The following ZNF536 variants were observed in gnomAD, a reference collection of about 807,000 sequenced individuals.
ZNF536 encodes the protein zinc finger protein 536.
A neutral mutation model predicts 84.5 loss-of-function variants in ZNF536; 13 were observed. That is an observed-to-expected ratio of 0.15 (90% CI 0.10 to 0.24). The LOEUF (loss-of-function observed/expected upper bound fraction) is 0.24, where lower values mean the gene tolerates loss of function less well. ZNF536 is among the 10% of genes least tolerant of loss of function. ZNF536 has a pLI of 1.00. For missense variants in ZNF536, 1,536 were observed against 1,747.5 expected (o/e 0.88, Z 2.16); for synonymous variants, 811 against 742.5 (o/e 1.09, Z -1.50).
chr19:30,301,100 G>C (rs541577384), intron 2 of ZNF536, among the ~76,000 whole-genome samples: 2 of 152,176 alleles, frequency 1.3e-5, no homozygotes, highest in Non-Finnish European at 2.9e-5. Flanking sequence ...CATCACAACG[G>C]AAAGTCAGCT....
intron 1 of ZNF536, among the ~76,000 whole-genome samples, chr19:30,565,136 C>T (rs971717644): frequency 2.8e-4 from 42 of 151,616 alleles, no homozygotes; most frequent in African/African-American, 9.7e-4. Context: ...AGCTCAACCC[C>T]TCTGGGGTGG....
At chr19:30,464,380 G>T (rs574931210) in intron 2 of ZNF536, among the ~76,000 whole-genome samples, 3 of 152,142 alleles carry the variant, frequency 2.0e-5, no homozygotes, top group African/African-American at 7.2e-5. Context: ...GAGGGGTAAA[G>T]GTCAATCAGC....
chr19:30,597,509 C>A (rs1387053269), intron 1 of ZNF536, among the ~76,000 whole-genome samples: 1 of 152,184 alleles, frequency 6.6e-6, no homozygotes, highest in Non-Finnish European at 1.5e-5. Flanking sequence ...AAATCTCAGT[C>A]TACTGTGCCT....
At position 30,250,849 on chromosome 19, in the gene ZNF536, T is replaced by C. The variant is rs541619294; in HGVS notation, c.-190+22176T>C. On this transcript the variant is annotated intron_variant, in intron 1 of 5. Transcript: ENST00000585628. Reference sequence around the variant, plus strand: ...ATGACTGTTTTGATGCCTGTTGGGTTTTTTTTTTTTTTGAGGGGGACAGAT... The same window carrying C: ...ATGACTGTTTTGATGCCTGTTGGGTCTTTTTTTTTTTTGAGGGGGACAGAT... Among the ~76,000 whole-genome samples, 14 of 88,438 alleles carry C rather than the reference T, an allele frequency of 1.6e-4. No homozygotes were observed. In the South Asian group the frequency reaches 2.7e-3, roughly 17 times the overall value. 58.0% of individuals were successfully genotyped at this position (88,438 alleles called of 152,430 possible). A position where few individuals can be genotyped will look rare whatever the true frequency, so the allele number is the denominator to read the frequency against.
chr19:30,615,106 C>A (rs1033877780), intron 1 of ZNF536, among the ~76,000 whole-genome samples: 1 of 146,626 alleles, frequency 6.8e-6, no homozygotes, highest in Non-Finnish European at 1.5e-5. Context: ...GCCACCATGC[C>A]CGGCTAATTT....
At chr19:30,685,091 C>A (rs2051122262) in intron 1 of ZNF536, among the ~76,000 whole-genome samples, 1 of 152,130 alleles carries the variant, frequency 6.6e-6, no homozygotes, top group Non-Finnish European at 1.5e-5. Flanking sequence ...GCCCCCTTAT[C>A]CTTTTGGATA....
chr19:30,350,024 G>A (rs534621456), intron 2 of ZNF536, among the ~76,000 whole-genome samples: 1 of 151,318 alleles, frequency 6.6e-6, no homozygotes, highest in Non-Finnish European at 1.5e-5. Flanking sequence ...TCATTTTAGT[G>A]CAAACCAATG....
upstream of ZNF536, among the ~76,000 whole-genome samples, chr19:30,226,138 C>A (rs911396397): frequency 1.3e-5 from 2 of 149,266 alleles, no homozygotes; most frequent in African/African-American, 4.9e-5. The surrounding 1 kb of genome is among the most constrained non-coding windows in gnomAD (Gnocchi z 4.6). Context: ...CGTCCAGCTC[C>A]GGGGACCCGG....
At chr19:30,300,158 C>G (rs1260570242) in intron 2 of ZNF536, among the ~76,000 whole-genome samples, 2 of 152,150 alleles carry the variant, frequency 1.3e-5, no homozygotes, top group Non-Finnish European at 2.9e-5. Flanking sequence ...TTTTCTAAAT[C>G]TTACCATTGC....
chr19:30,360,980 C>T (rs1402088746), intron 3 of ZNF536, among the ~76,000 whole-genome samples: 2 of 152,224 alleles, frequency 1.3e-5, no homozygotes, highest in African/African-American at 2.4e-5. Context: ...AGCCCTGCTG[C>T]TTAATAACAA....
chr19:30,550,588 G>A (rs1170747549), intron 4 of ZNF536, among the ~76,000 whole-genome samples: 1 of 151,914 alleles, frequency 6.6e-6, no homozygotes, highest in African/African-American at 2.4e-5. Context: ...AGGGAGGAGG[G>A]CAGGATGGAA....
At chr19:30,538,621 G>T (rs1325104874) in intron 3 of ZNF536, among the ~76,000 whole-genome samples, 2 of 152,098 alleles carry the variant, frequency 1.3e-5, no homozygotes, top group Admixed American at 6.5e-5. Context: ...GTCCTCAGGG[G>T]ACCAAGGGGA....
At chr19:30,562,277 G>A (rs1304267817), downstream of ZNF536, among the ~76,000 whole-genome samples, 1 of 152,064 alleles carries the variant, frequency 6.6e-6, no homozygotes, top group Non-Finnish European at 1.5e-5. Flanking sequence ...TACCAGTAGG[G>A]CCCCTGGGAT....
intron 1 of ZNF536, among the ~76,000 whole-genome samples, chr19:30,598,499 C>T (rs886710151): frequency 9.2e-5 from 14 of 152,096 alleles, no homozygotes; most frequent in African/African-American, 3.1e-4. Flanking sequence ...ATTCAAAAAC[C>T]TAGGGACTCC....
At chr19:30,687,531 T>G (rs2051238238) in intron 1 of ZNF536, among the ~76,000 whole-genome samples, 1 of 152,200 alleles carries the variant, frequency 6.6e-6, no homozygotes. Context: ...AAAAGGGAAG[T>G]CGGTGGCTAA....
At chr19:30,358,022 G>A (rs971281695) in intron 3 of ZNF536, among the ~76,000 whole-genome samples, 2 of 152,104 alleles carry the variant, frequency 1.3e-5, no homozygotes, top group African/African-American at 4.8e-5. Flanking sequence ...GGTCATTATG[G>A]GTCATCATGG....
chr19:30,531,538 GCTGT>G (rs1015909475), intron 2 of ZNF536, among the ~76,000 whole-genome samples: 2 of 151,506 alleles, frequency 1.3e-5, no homozygotes, highest in Admixed American at 1.3e-4. Context: ...TAATGATCTT[GCTGT>G]CTAAGTAGTG....
At chr19:30,574,621 ATTC>A (rs1447498331) in intron 1 of ZNF536, among the ~76,000 whole-genome samples, 1 of 152,062 alleles carries the variant, frequency 6.6e-6, no homozygotes, top group Non-Finnish European at 1.5e-5. Context: ...TCAATCCAGC[ATTC>A]TTCTTACAGG....
At chr19:30,668,429 G>T (rs951567168) in intron 1 of ZNF536, among the ~76,000 whole-genome samples, 6 of 152,190 alleles carry the variant, frequency 3.9e-5, no homozygotes, top group Non-Finnish European at 1.5e-5. Flanking sequence ...GTGTGTCTGA[G>T]TTTTTGTGTG....
Sources: allele counts gnomAD v4.1 joint callset (sites outside exome capture counted in the v4.1 genomes callset), GRCh38; gene constraint gnomAD v4.1.1; non-coding constraint Gnocchi (gnomAD v3.1); transcripts MANE v1.5; gene names NCBI Gene and HGNC (gene_info 2026-07-23, HGNC 2026-07-21).